ABCB1: variants seen among roughly 807,000 people sequenced by gnomAD.
ABCB1 encodes ATP-dependent translocase ABCB1.
Under a neutral mutation model 142.0 loss-of-function variants are expected in ABCB1, and 69 were observed. The ratio of observed to expected loss-of-function variants is 0.49; its 90% CI spans 0.40 to 0.59. ABCB1 has a LOEUF of 0.59. Among genes scored for constraint, ABCB1 ranks in the 20% least tolerant of loss-of-function variants. The pLI, the probability that ABCB1 is intolerant of heterozygous loss-of-function variation, is 0.00. For synonymous variants in ABCB1, 532 were observed against 539.2 expected (o/e 0.99, Z 0.18); for missense variants, 1,326 against 1,554.7 (o/e 0.85, Z 2.47).
intron 1 of ABCB1, among the ~76,000 whole-genome samples, chr7:87,638,504 G>A (rs753410796): frequency 7.9e-5 from 12 of 151,996 alleles, no homozygotes; most frequent in Middle Eastern, 3.4e-3. Flanking sequence ...ATTTAGTAAC[G>A]GAATCAATTC....
chr7:87,504,060 C>G lies in ABCB1; in HGVS notation c.*183G>C, dbSNP rs1584823480. The stretch of plus-strand genomic sequence containing the variant: ...ATGCAGTTTAAACTATGATTTCTCT[C>G]CACTTGATGATGTCTCTCACTCTGT... On this transcript the variant is annotated 3_prime_UTR_variant, in exon 28 of 28. Transcript: ENST00000622132. The G allele has an allele frequency of 1.5e-6, 1 of 677,582 alleles. No individual in the cohort carries two copies. The highest frequency in any genetic ancestry group is 2.5e-6 in the Non-Finnish European group (1 of 403,238). 42.0% of individuals were successfully genotyped at this position (677,582 alleles called of 1,614,324 possible). A position where few individuals can be genotyped will look rare whatever the true frequency, so the allele number is the denominator to read the frequency against.
chr7:87,634,638 G>GA (rs920354293), intron 1 of ABCB1, among the ~76,000 whole-genome samples: 53 of 144,082 alleles, frequency 3.7e-4, no homozygotes, highest in African/African-American at 9.7e-4. Context: ...AAAAAAAAAA[G>GA]AAAAAAAAAA....
chr7:87,672,432 GTGGC>G (rs1443331224), intron 1 of ABCB1, among the ~76,000 whole-genome samples: 1 of 152,178 alleles, frequency 6.6e-6, no homozygotes, highest in Non-Finnish European at 1.5e-5. Context: ...GCTGCTACCG[GTGGC>G]TGGGTAGAAT....
rs571043966 is a variant in ABCB1 at position 87,691,734 on chromosome 7, T to A, written c.-331+21427A>T. Among the ~76,000 whole-genome samples, 91 of 152,280 alleles carry A rather than the reference T, an allele frequency of 6.0e-4. 1 individual carries two copies. The highest frequency in any genetic ancestry group is 2.2e-3 in the African/African-American group (90 of 41,570). ...TTTCACTACCTCATGTTTTTCCCCC[T>A]TCTTTCTGGGGTTGTCAGTGAGAAC... On this transcript the variant is annotated intron_variant, in intron 1 of 28. Transcript: ENST00000265724.
intron 1 of ABCB1, among the ~76,000 whole-genome samples, chr7:87,658,658 T>C (rs909364475): frequency 6.6e-6 from 1 of 152,114 alleles, no homozygotes; most frequent in Non-Finnish European, 1.5e-5. Context: ...TGCCTACAAG[T>C]AAGCAATTGA....
intron 4 of ABCB1, among the ~76,000 whole-genome samples, chr7:87,577,245 A>T (rs1818306276): frequency 6.6e-6 from 1 of 152,058 alleles, no homozygotes; most frequent in East Asian, 1.9e-4. Context: ...AAATGACAGG[A>T]TCTCATTTTT....
rs201661522 is a variant in ABCB1, at chr7:87,539,293, A to G, written c.2372T>C (p.Met791Thr). 4.5e-5 allele frequency: 73 copies of G among 1,614,148 alleles called. No homozygotes were observed. Among genetic ancestry groups the G allele is most frequent in the East Asian group, 2.2e-5 (1 of 44,874 alleles). Residue 791 changes from methionine to threonine, a missense_variant, in exon 19 of 28, where the codon ATG becomes ACG. Physicochemically the swap from Met to Thr is moderately conservative, Grantham distance 81. Transcript: ENST00000622132. ...GEILTKRLRY[M>T]VFRSMLRQDV... The stretch of plus-strand genomic sequence containing the variant: ...CTGTCTGAGCATGGATCGGAAAACC[A>G]TGTATCGGAGCCGCTTGGTGAGGAT...
At position 87,641,616 on chromosome 7, in the gene ABCB1, T is replaced by C. The variant is rs573211443; in HGVS notation, c.-330-40538A>G. ...CTGGCCGACAGCTGTGAATGTGCACTAAATGAAAGAGCTCTTCTTCCCTGC... is the reference window on the plus strand; with the variant it reads ...CTGGCCGACAGCTGTGAATGTGCACCAAATGAAAGAGCTCTTCTTCCCTGC... On this transcript the variant is annotated intron_variant, in intron 1 of 28. Coordinates refer to the ABCB1 transcript ENST00000265724. 2.0e-5 allele frequency among the ~76,000 whole-genome samples: 3 copies of C among 152,338 alleles called. No individual in the cohort carries two copies. The South Asian group carries it at 6.2e-4, about 32-fold the overall frequency.
At chr7:87,619,746 A>G (rs954042564) in intron 1 of ABCB1, among the ~76,000 whole-genome samples, 3 of 145,990 alleles carry the variant, frequency 2.1e-5, no homozygotes, top group African/African-American at 5.3e-5. Flanking sequence ...ACACAAACAC[A>G]TGTGTGTGTG....
chr7:87,604,731 G>A (rs1819585800), upstream of ABCB1, among the ~76,000 whole-genome samples: 1 of 152,096 alleles, frequency 6.6e-6, no homozygotes, highest in African/African-American at 2.4e-5. Flanking sequence ...GTGAAATGGT[G>A]ATCAGATGAT....
At chr7:87,634,136 A>C (rs1821500201) in intron 1 of ABCB1, among the ~76,000 whole-genome samples, 1 of 152,288 alleles carries the variant, frequency 6.6e-6, no homozygotes, top group East Asian at 1.9e-4. Context: ...CAGCCTTGCT[A>C]GAGTGAGAAC....
intron 1 of ABCB1, among the ~76,000 whole-genome samples, chr7:87,651,969 T>C (rs1823623606): frequency 6.6e-6 from 1 of 152,134 alleles, no homozygotes; most frequent in African/African-American, 2.4e-5. Context: ...CTTTTTGCTG[T>C]TCTGTGTTTC....
chr7:87,619,952 G>A (rs977895005), intron 1 of ABCB1, among the ~76,000 whole-genome samples: 2 of 152,088 alleles, frequency 1.3e-5, no homozygotes, highest in Non-Finnish European at 2.9e-5. Context: ...GTACTAAAAT[G>A]TCTTTTAATC....
At position 87,673,976 on chromosome 7, in the gene ABCB1, C is replaced by T. The variant is rs1262210869; in HGVS notation, c.-331+39185G>A. Among the ~76,000 whole-genome samples, 11 of 152,106 alleles carry T rather than the reference C, an allele frequency of 7.2e-5. 1 individual carries two copies. Among genetic ancestry groups the T allele is most frequent in the Non-Finnish European group, 1.6e-4 (11 of 68,028 alleles). ...TCATTTCTGGAAGATTTTAGTGGGC[C>T]AAGGCTTAGCTCAGCACTCCTCGGC... On this transcript the variant is annotated intron_variant, in intron 1 of 28. Transcript: ENST00000265724.
chr7:87,690,348 A>G (rs1202405577), intron 1 of ABCB1, among the ~76,000 whole-genome samples: 1 of 152,016 alleles, frequency 6.6e-6, no homozygotes, highest in African/African-American at 2.4e-5. Context: ...TCTTTTCTTT[A>G]AAGTTATGAC....
chr7:87,635,085 T>C (rs927700266), intron 1 of ABCB1, among the ~76,000 whole-genome samples: 1 of 152,186 alleles, frequency 6.6e-6, no homozygotes, highest in African/African-American at 2.4e-5. Context: ...TGCTTGATAA[T>C]TGTCAAAATT....
chr7:87,592,905 C>T (rs572388687), intron 3 of ABCB1, among the ~76,000 whole-genome samples: 8 of 149,432 alleles, frequency 5.4e-5, no homozygotes, highest in African/African-American at 2.0e-4. Context: ...CTACAGTGCA[C>T]AATTCTTGCA....
chr7:87,647,183 T>G (rs540517313), intron 1 of ABCB1, among the ~76,000 whole-genome samples: 193 of 152,282 alleles, frequency 1.3e-3, no homozygotes, highest in African/African-American at 4.2e-3. Context: ...TGCCATAGGG[T>G]GGCATTTCTG....
At chr7:87,631,461 G>C (rs1821213284) in intron 1 of ABCB1, among the ~76,000 whole-genome samples, 2 of 152,128 alleles carry the variant, frequency 1.3e-5, no homozygotes. Context: ...CGCGATCTCG[G>C]CTCACTGCAA....
Sources: gnomAD v4.1 joint callset for allele counts (sites outside exome capture counted in the v4.1 genomes callset) on GRCh38, gnomAD v4.1.1 for gene constraint, MANE v1.5 for transcripts, NCBI Gene and HGNC (gene_info 2026-07-23, HGNC 2026-07-21) for gene names.